Variants in NBEA observed in about 807,000 individuals in gnomAD.
NBEA encodes the protein neurobeachin, also known as lysosomal-trafficking regulator 2.
In NBEA, 44 loss-of-function variants were observed where a neutral mutation model predicts 343.4. The ratio of observed to expected loss-of-function variants is 0.13; its 90% CI spans 0.10 to 0.16. The LOEUF (loss-of-function observed/expected upper bound fraction) is 0.16, where lower values mean the gene tolerates loss of function less well. Among genes scored for constraint, NBEA ranks in the 10% least tolerant of loss-of-function variants. NBEA has a pLI of 1.00. For missense variants in NBEA, 2,555 were observed against 3,631.3 expected (o/e 0.70, Z 7.62); for synonymous variants, 1,175 against 1,238.7 (o/e 0.95, Z 1.08).
intron 49 of NBEA, among the ~76,000 whole-genome samples, chr13:35,633,259 C>T (rs540103445): frequency 5.9e-5 from 9 of 151,406 alleles, no homozygotes; most frequent in African/African-American, 9.7e-5. Flanking sequence ...CCTGCTGCCA[C>T]GCCCGGCTAA....
At chr13:35,295,128 A>G (rs2036042434) in intron 35 of NBEA, among the ~76,000 whole-genome samples, 1 of 148,200 alleles carries the variant, frequency 6.7e-6, no homozygotes, top group South Asian at 2.1e-4. Context: ...TAATATATAA[A>G]TATAATATTT....
At chr13:35,270,198 C>A (rs2034019434) in intron 34 of NBEA, among the ~76,000 whole-genome samples, 1 of 152,048 alleles carries the variant, frequency 6.6e-6, no homozygotes, top group Admixed American at 6.6e-5. Flanking sequence ...TTAAATTCTA[C>A]CAATAAAACA....
intron 41 of NBEA, among the ~76,000 whole-genome samples, chr13:35,480,056 A>AG (rs1168854369): frequency 4.7e-4 from 19 of 40,080 alleles, no homozygotes; most frequent in East Asian, 1.1e-3. Flanking sequence ...TGTACCAGTT[A>AG]GGAAAAAAAA....
chr13:35,475,888 C>G, intron 41 of NBEA: 1 of 1,614,092 alleles, frequency 6.2e-7, no homozygotes, highest in East Asian at 2.2e-5. Context: ...GTTGAACACC[C>G]CCATTTGGTT....
intron 34 of NBEA, among the ~76,000 whole-genome samples, chr13:35,280,936 A>C (rs1313036943): frequency 2.0e-5 from 3 of 152,092 alleles, no homozygotes; most frequent in Non-Finnish European, 4.4e-5. Flanking sequence ...CTAATATTTT[A>C]CACTAGAAGT....
intron 34 of NBEA, among the ~76,000 whole-genome samples, chr13:35,277,461 A>C (rs184245519): frequency 0.03 from 4,502 of 151,930 alleles, 95 homozygotes; most frequent in Non-Finnish European, 0.045. Context: ...GTCTCTACCA[A>C]AAATACAAAA....
At chr13:35,579,632 A>T (rs2080916320) in intron 45 of NBEA, among the ~76,000 whole-genome samples, 1 of 152,158 alleles carries the variant, frequency 6.6e-6, no homozygotes. Flanking sequence ...TTTTAAAAAC[A>T]AAAGAAGTAT....
chr13:35,499,640 A>G (rs180812595), intron 41 of NBEA, among the ~76,000 whole-genome samples: 11 of 152,178 alleles, frequency 7.2e-5, no homozygotes, highest in Admixed American at 5.2e-4. Flanking sequence ...TTGAGCTTCT[A>G]TAATTACTTC....
chr13:35,583,738 A>G (rs988604671), intron 45 of NBEA, among the ~76,000 whole-genome samples, 160 bp from the exon 46 acceptor site: 4 of 152,232 alleles, frequency 2.6e-5, no homozygotes, highest in Non-Finnish European at 4.4e-5. Context: ...ATTTGTAATT[A>G]ATATCAAAAT....
chr13:35,419,446 C>T (rs917670793), intron 38 of NBEA, among the ~76,000 whole-genome samples: 1 of 152,068 alleles, frequency 6.6e-6, no homozygotes, highest in African/African-American at 2.4e-5. Context: ...CCCAGCACAT[C>T]ATACCATCAC....
rs963772746 is a variant in NBEA, at chr13:35,451,992, T to C, written c.6305-100T>C. 3.6e-6 allele frequency: 3 copies of C among 842,180 alleles called. No individual in the cohort carries two copies. In the African/African-American group the frequency reaches 5.2e-5, roughly 15 times the overall value. The allele number at this position is 842,180 out of a possible 1,614,324, so 52.2% of individuals were successfully genotyped here. Reference sequence around the variant, plus strand: ...CTGTAATTGTAAAGTAATATGTAAATGCAGCATATAATTTAATAAAGCAAT... The same window carrying C: ...CTGTAATTGTAAAGTAATATGTAAACGCAGCATATAATTTAATAAAGCAAT... On this transcript the variant is annotated intron_variant, in intron 39 of 58. Coordinates refer to ENST00000379939, the MANE Select transcript of NBEA (RefSeq NM_001385012.1).
chr13:35,304,732 T>C (rs1389190773), intron 35 of NBEA, among the ~76,000 whole-genome samples: 1 of 152,122 alleles, frequency 6.6e-6, no homozygotes, highest in African/African-American at 2.4e-5. Context: ...TGTAAAACTA[T>C]CACTGTTCTA....
At chr13:35,303,129 T>C (rs1055511198) in intron 35 of NBEA, among the ~76,000 whole-genome samples, 3 of 152,134 alleles carry the variant, frequency 2.0e-5, no homozygotes, top group African/African-American at 7.2e-5. Flanking sequence ...AAAAATCTTC[T>C]TTACATTAAA....
chr13:34,987,718 C>G (rs2060603352), intron 1 of NBEA, among the ~76,000 whole-genome samples: 1 of 151,052 alleles, frequency 6.6e-6, no homozygotes, highest in Admixed American at 6.6e-5. Flanking sequence ...TCTCTAACTT[C>G]TCTTCTCGCT....
chr13:35,109,115 T>C (rs1273436667), intron 11 of NBEA, among the ~76,000 whole-genome samples, 175 bp from the exon 12 acceptor site: 2 of 152,140 alleles, frequency 1.3e-5, no homozygotes, highest in African/African-American at 4.8e-5. Flanking sequence ...CTCAAAGAAA[T>C]AGCTGAAATT....
At chr13:35,666,670 G>C (rs1427174832) in intron 56 of NBEA, among the ~76,000 whole-genome samples, 1 of 152,092 alleles carries the variant, frequency 6.6e-6, no homozygotes, top group Admixed American at 6.5e-5. Flanking sequence ...CAAGGGAATA[G>C]ATATATAACA....
chr13:35,297,178 A>G (rs1055284715), intron 35 of NBEA, among the ~76,000 whole-genome samples: 14 of 152,088 alleles, frequency 9.2e-5, no homozygotes, highest in African/African-American at 3.1e-4. Flanking sequence ...TCCAAGTATT[A>G]ATGAAACCAA....
chr13:35,220,478 A>G (rs1192539265), intron 33 of NBEA, among the ~76,000 whole-genome samples: 2 of 152,160 alleles, frequency 1.3e-5, no homozygotes, highest in Non-Finnish European at 2.9e-5. Context: ...TTTTGAACCA[A>G]TAGAATTCTA....
intron 1 of NBEA, among the ~76,000 whole-genome samples, chr13:34,949,085 C>T (rs114839724): frequency 3.3e-5 from 5 of 152,268 alleles, no homozygotes; most frequent in African/African-American, 1.2e-4. Context: ...TCCCAAGCCT[C>T]GCATGCAGTA....
Sources: allele counts gnomAD v4.1 joint callset (sites outside exome capture counted in the v4.1 genomes callset), GRCh38; gene constraint gnomAD v4.1.1; transcripts MANE v1.5; gene names NCBI Gene and HGNC (gene_info 2026-07-23, HGNC 2026-07-21).